The following PXDNL variants were observed in gnomAD, a reference collection of about 807,000 sequenced individuals.
The protein encoded by PXDNL is probable oxidoreductase PXDNL.
A neutral mutation model predicts 150.8 loss-of-function variants in PXDNL; 145 were observed. The ratio of observed to expected loss-of-function variants is 0.96; its 90% CI spans 0.84 to 1.10. The LOEUF (loss-of-function observed/expected upper bound fraction) is 1.10. Ranked by LOEUF, PXDNL falls within the 50% of genes least tolerant of loss-of-function variation. The pLI, the probability that PXDNL is intolerant of heterozygous loss-of-function variation, is 0.00. For synonymous variants in PXDNL, 757 were observed against 725.7 expected (o/e 1.04, Z -0.69); for missense variants, 2,087 against 1,873.9 (o/e 1.11, Z -2.10).
At chr8:51,461,406 C>T (rs1013601821) in intron 8 of PXDNL, among the ~76,000 whole-genome samples, 12 of 152,208 alleles carry the variant, frequency 7.9e-5, no homozygotes, top group African/African-American at 2.9e-4. Context: ...GATCTGGGTG[C>T]AGAAGGCTTG....
chr8:51,748,314 TTC>T (rs1470931473), intron 1 of PXDNL, among the ~76,000 whole-genome samples: 1 of 152,238 alleles, frequency 6.6e-6, no homozygotes, highest in Non-Finnish European at 1.5e-5. Flanking sequence ...TAAGTTCGAT[TTC>T]TTTCTTTTAG....
At chr8:51,342,379 T>C (rs16916016) in intron 20 of PXDNL, among the ~76,000 whole-genome samples, 5,047 of 152,068 alleles carry the variant, frequency 0.033, 180 homozygotes, top group East Asian at 0.19. Flanking sequence ...GTTTTTTCCA[T>C]AGTAAAGGTA....
intron 1 of PXDNL, among the ~76,000 whole-genome samples, chr8:51,707,178 GCTCT>G (rs991152816): frequency 6.6e-6 from 1 of 151,962 alleles, no homozygotes; most frequent in African/African-American, 2.4e-5. Context: ...TGTTTTGCTC[GCTCT>G]CTCTCTGTCC....
chr8:51,450,281 G>T (rs1237595201), intron 10 of PXDNL, among the ~76,000 whole-genome samples: 1 of 152,114 alleles, frequency 6.6e-6, no homozygotes, highest in Non-Finnish European at 1.5e-5. Context: ...CTCCTTTACT[G>T]CATCATGTTT....
Position 51,408,861 on chromosome 8 carries a change from C to A in PXDNL, c.2763G>T (p.Lys921Asn). 6.3e-7 allele frequency: 1 copy of A among 1,589,990 alleles called. No homozygotes were observed. The highest frequency in any genetic ancestry group is 8.6e-7 in the Non-Finnish European group (1 of 1,168,882). ...CGGAGGGAGGCCAAGGAAAGCCTGT[C>A]TTCAGGAGACCCCGAGGCACCGAAG... The part of the protein sequence containing the change: ...RDPSVPRGLL[K>N]TGFPWPPSGK... The change falls in exon 17 of 23, where the codon AAG (lysine) becomes AAT (asparagine). Residue 921 changes from lysine to asparagine, a missense_variant. Transcript: ENST00000356297.
chr8:51,648,392 A>G (rs759043007), intron 2 of PXDNL, among the ~76,000 whole-genome samples: 9 of 152,232 alleles, frequency 5.9e-5, no homozygotes, highest in Non-Finnish European at 1.3e-4. Context: ...CTGAATAGAA[A>G]GCAATTCTTA....
intron 5 of PXDNL, among the ~76,000 whole-genome samples, chr8:51,493,651 C>T (rs565648950): frequency 7.2e-5 from 11 of 152,004 alleles, no homozygotes; most frequent in Middle Eastern, 6.8e-3. Context: ...CCTCAGTAGC[C>T]GATTTGATCA....
chr8:51,555,591 A>G (rs1812582627), intron 4 of PXDNL, among the ~76,000 whole-genome samples: 1 of 152,192 alleles, frequency 6.6e-6, no homozygotes, highest in African/African-American at 2.4e-5. Context: ...TAGAAATAAA[A>G]TCATGTTTTG....
intron 2 of PXDNL, among the ~76,000 whole-genome samples, chr8:51,618,551 TGA>T (rs1814176065): frequency 4.6e-5 from 7 of 152,176 alleles, no homozygotes; most frequent in Admixed American, 4.6e-4. Flanking sequence ...GAAGTCAGCC[TGA>T]GAGTGTGGAA....
intron 1 of PXDNL, among the ~76,000 whole-genome samples, chr8:51,800,830 T>C (rs57212480): frequency 0.12 from 17,877 of 152,218 alleles, 1,289 homozygotes; most frequent in East Asian, 0.17. Flanking sequence ...AAGCTGAGGA[T>C]GTACATCACC....
intron 19 of PXDNL, among the ~76,000 whole-genome samples, chr8:51,370,471 G>C (rs1397897836): frequency 2.6e-5 from 4 of 152,162 alleles, no homozygotes; most frequent in Non-Finnish European, 5.9e-5. Flanking sequence ...TTCTGAAGAG[G>C]GGGGACTATT....
chr8:51,759,463 G>T (rs2037138258), intron 1 of PXDNL, among the ~76,000 whole-genome samples: 1 of 152,086 alleles, frequency 6.6e-6, no homozygotes, highest in African/African-American at 2.4e-5. Context: ...GATTATCTAT[G>T]TCCCCGATTT....
intron 1 of PXDNL, among the ~76,000 whole-genome samples, chr8:51,801,413 T>C (rs1245339578): frequency 1.3e-5 from 2 of 151,930 alleles, no homozygotes; most frequent in Non-Finnish European, 2.9e-5. Flanking sequence ...GTGATCTTTA[T>C]TGCCCTTTAA....
intron 1 of PXDNL, among the ~76,000 whole-genome samples, chr8:51,668,986 T>A (rs1370829556): frequency 6.6e-6 from 1 of 152,118 alleles, no homozygotes; most frequent in South Asian, 2.1e-4. Context: ...AAAATAAATA[T>A]TAATTAAAAT....
intron 17 of PXDNL, among the ~76,000 whole-genome samples, chr8:51,397,016 G>T (rs1232369338): frequency 3.3e-5 from 5 of 152,082 alleles, no homozygotes; most frequent in African/African-American, 7.2e-5. Context: ...CTCAACTGTG[G>T]TCTTCACACG....
At chr8:51,534,421 C>CG (rs1375382371) in intron 4 of PXDNL, among the ~76,000 whole-genome samples, 1 of 136,198 alleles carries the variant, frequency 7.3e-6, no homozygotes, top group African/African-American at 3.0e-5. Context: ...TGCCCGGCCG[C>CG]CCCTACTGGG....
At chr8:51,536,229 C>T (rs1253382110) in intron 4 of PXDNL, among the ~76,000 whole-genome samples, 2 of 152,170 alleles carry the variant, frequency 1.3e-5, no homozygotes, top group Non-Finnish European at 2.9e-5. Context: ...AGTTATAGAG[C>T]TTGAGAATAA....
intron 8 of PXDNL, among the ~76,000 whole-genome samples, chr8:51,469,595 A>G (rs1810279184): frequency 6.6e-6 from 1 of 151,936 alleles, no homozygotes; most frequent in African/African-American, 2.4e-5. Context: ...TCCTCTAAGG[A>G]CCCTAAATCC....
At chr8:51,752,757 A>T (rs917547050) in intron 1 of PXDNL, among the ~76,000 whole-genome samples, 1 of 152,228 alleles carries the variant, frequency 6.6e-6, no homozygotes, top group Non-Finnish European at 1.5e-5. Context: ...GCATCAAGTT[A>T]TACCCTAGGG....
Sources: allele counts gnomAD v4.1 joint callset (sites outside exome capture counted in the v4.1 genomes callset), GRCh38; gene constraint gnomAD v4.1.1; transcripts MANE v1.5; gene names NCBI Gene and HGNC (gene_info 2026-07-23, HGNC 2026-07-21).